Variants in RP1 observed in about 807,000 individuals in gnomAD.
The protein encoded by RP1 is RP1 axonemal microtubule associated.
RP1 carries 16 observed loss-of-function variants against 14.8 expected under a neutral mutation model. The ratio of observed to expected loss-of-function variants is 1.08; its 90% CI spans 0.73 to 1.65. RP1 has a LOEUF of 1.65. RP1 is among the 40% of genes most tolerant of loss of function. RP1 has a pLI of 0.00. For synonymous variants in RP1, 876 were observed against 883.6 expected (o/e 0.99, Z 0.15); for missense variants, 2,631 against 2,535.0 (o/e 1.04, Z -0.81).
At chr8:54,808,344 A>G (rs1810909008) in intron 24 of RP1, among the ~76,000 whole-genome samples, 1 of 152,218 alleles carries the variant, frequency 6.6e-6, no homozygotes, top group Non-Finnish European at 1.5e-5. Flanking sequence ...CAAATGGAAG[A>G]TGGTCTTCCC....
intron 24 of RP1, among the ~76,000 whole-genome samples, chr8:54,835,395 G>T (rs1811634091): frequency 6.6e-6 from 1 of 152,150 alleles, no homozygotes; most frequent in African/African-American, 2.4e-5. Flanking sequence ...GCTATGCCAT[G>T]ACACTATTCA....
At chr8:54,596,940 C>T (rs1463355926) in intron 1 of RP1, among the ~76,000 whole-genome samples, 1 of 152,176 alleles carries the variant, frequency 6.6e-6, no homozygotes, top group Non-Finnish European at 1.5e-5. Flanking sequence ...CTGGATTTCA[C>T]TATTTTTAGA....
intron 7 of RP1, among the ~76,000 whole-genome samples, chr8:54,671,746 C>G (rs1585595466): frequency 6.6e-6 from 1 of 151,936 alleles, no homozygotes; most frequent in East Asian, 1.9e-4. Flanking sequence ...TAGTTGGTCT[C>G]TCTGTATTCT....
At chr8:54,759,144 G>A (rs1809579106) in intron 22 of RP1, 1 of 1,255,860 alleles carries the variant, frequency 8.0e-7, no homozygotes, top group Non-Finnish European at 1.1e-6. Flanking sequence ...GTGTGTGTGT[G>A]TGTGTGTGTG....
intron 1 of RP1, among the ~76,000 whole-genome samples, chr8:54,571,138 C>T (rs1804511756): frequency 7.4e-6 from 1 of 135,560 alleles, no homozygotes; most frequent in South Asian, 2.6e-4. Context: ...ACTGGTCCTG[C>T]CTGCAGCACA....
At chr8:54,680,339 C>T (rs1481622537) in intron 12 of RP1, among the ~76,000 whole-genome samples, 3 of 151,966 alleles carry the variant, frequency 2.0e-5, no homozygotes, top group African/African-American at 7.2e-5. Context: ...AAAGGAAAAA[C>T]AAGGCAAGGA....
chr8:54,561,683 C>T (rs547792267), intron 1 of RP1: 22 of 152,166 alleles, frequency 1.4e-4, no homozygotes, highest in Non-Finnish European at 2.1e-4. Flanking sequence ...AAACTTTTGC[C>T]GTTGGATTCT....
intron 14 of RP1, among the ~76,000 whole-genome samples, chr8:54,703,091 A>C (rs1808064483): frequency 6.6e-6 from 1 of 152,174 alleles, no homozygotes; most frequent in African/African-American, 2.4e-5. Flanking sequence ...AACTCCTGTT[A>C]ATGTTGAGAT....
chr8:54,817,974 A>C (rs1030098588), intron 24 of RP1, among the ~76,000 whole-genome samples: 6 of 149,016 alleles, frequency 4.0e-5, no homozygotes, highest in Non-Finnish European at 6.0e-5. Flanking sequence ...CCCCTTACAG[A>C]GCTTGTATTT....
chr8:54,637,898 A>G (rs1296934633), intron 3 of RP1, among the ~76,000 whole-genome samples: 1 of 151,766 alleles, frequency 6.6e-6, no homozygotes, highest in Non-Finnish European at 1.5e-5. Flanking sequence ...CATCTATTCT[A>G]TTTTTTTCCC....
chr8:54,650,820 A>G (rs1442185314), intron 4 of RP1, among the ~76,000 whole-genome samples: 1 of 151,908 alleles, frequency 6.6e-6, no homozygotes, highest in African/African-American at 2.4e-5. Context: ...GAATAGAAGT[A>G]GCAAAAATTA....
At chr8:54,835,678 C>T (rs1490967073) in intron 24 of RP1, among the ~76,000 whole-genome samples, 14 of 152,132 alleles carry the variant, frequency 9.2e-5, no homozygotes, top group Admixed American at 8.5e-4. Context: ...CAGATGGGGG[C>T]ACTGAAGCTT....
Position 54,629,435 on chromosome 8 carries a change from T to C in RP1, c.5553T>C (p.His1851=), listed in dbSNP as rs1211870916. 2 of 1,614,044 alleles carry C rather than the reference T, an allele frequency of 1.2e-6. No homozygotes were observed. The highest frequency in any genetic ancestry group is 1.3e-5 in the African/African-American group (1 of 74,930). ...TCAKERIANH[H]TEEKGSHQSE... ...CCAAGGAAAGAATAGCAAATCATCA[T>C]ACAGAGGAGAAGGGTAGTCATCAGT... Residue 1851 remains histidine, a synonymous_variant, in exon 4 of 4, where the codon CAT becomes CAC. Transcript: ENST00000220676.
chr8:54,605,844 C>T (rs551198340), intron 1 of RP1, among the ~76,000 whole-genome samples: 10 of 151,986 alleles, frequency 6.6e-5, no homozygotes, highest in South Asian at 2.1e-4. Flanking sequence ...CTGTTTTATC[C>T]GAGACTAGGA....
intron 1 of RP1, among the ~76,000 whole-genome samples, chr8:54,587,381 G>T (rs936466187): frequency 6.7e-6 from 1 of 148,982 alleles, no homozygotes; most frequent in East Asian, 2.0e-4. Flanking sequence ...AGCCGAGATT[G>T]TGTCACTGCA....
intron 1 of RP1, among the ~76,000 whole-genome samples, chr8:54,584,281 A>G (rs1284234974): frequency 2.0e-5 from 3 of 152,128 alleles, no homozygotes; most frequent in South Asian, 2.1e-4. Flanking sequence ...TCAGGAGCAG[A>G]TTGTCCAGTT....
intron 24 of RP1, among the ~76,000 whole-genome samples, chr8:54,810,795 C>A (rs577721469): frequency 6.6e-6 from 1 of 152,288 alleles, no homozygotes; most frequent in Admixed American, 6.5e-5. Flanking sequence ...CTGCAGATCA[C>A]CACTGTTGAT....
intron 25 of RP1, among the ~76,000 whole-genome samples, chr8:54,851,312 A>T (rs1812056859): frequency 6.6e-6 from 1 of 152,124 alleles, no homozygotes. Context: ...AACACCTTTA[A>T]CTATTCATTT....
At chr8:54,735,507 G>T (rs1458063395) in intron 18 of RP1, among the ~76,000 whole-genome samples, 1 of 152,178 alleles carries the variant, frequency 6.6e-6, no homozygotes, top group African/African-American at 2.4e-5. Flanking sequence ...GCTGGCTAGA[G>T]AATAGAGAAT....
Sources: gnomAD v4.1 joint callset for allele counts (sites outside exome capture counted in the v4.1 genomes callset) on GRCh38, gnomAD v4.1.1 for gene constraint, MANE v1.5 for transcripts, NCBI Gene and HGNC (gene_info 2026-07-23, HGNC 2026-07-21) for gene names.